OTC: variants seen among roughly 807,000 people sequenced by gnomAD.
The protein encoded by OTC is ornithine transcarbamylase, also known as ornithine transcarbamylase, mitochondrial.
A neutral mutation model predicts 30.3 loss-of-function variants in OTC; 3 were observed. The ratio of observed to expected loss-of-function variants is 0.10; its 90% confidence interval spans 0.05 to 0.26. The LOEUF (loss-of-function observed/expected upper bound fraction) is 0.26, where lower values mean the gene tolerates loss of function less well. OTC is among the 10% of genes least tolerant of loss of function. The pLI, the probability that OTC is intolerant of heterozygous loss-of-function variation, is 1.00. For missense variants in OTC, 194 were observed against 260.3 expected (o/e 0.75, Z 1.75); for synonymous variants, 111 against 99.7 (o/e 1.11, Z -0.67).
chrX:38,401,250 T>A, intron 4 of OTC, 25 bp from the exon 5 acceptor site: 1 of 1,149,774 alleles, frequency 8.7e-7, no homozygotes, highest in Non-Finnish European at 1.2e-6. Flanking sequence ...TTATCTTAGA[T>A]TATCTTTTTC....
intron 4 of OTC, among the ~76,000 whole-genome samples, chrX:38,394,294 CTTTTA>C (rs2068443782): frequency 3.6e-5 from 4 of 112,274 alleles, no homozygotes; most frequent in Admixed American, 2.8e-4. Context: ...ATTTTCTTTT[CTTTTA>C]TAACAGTTAA....
the OTC span, among the ~76,000 whole-genome samples, chrX:38,339,402 T>C: frequency 9.0e-6 from 1 of 111,192 alleles, no homozygotes; most frequent in South Asian, 3.8e-4. Context: ...AAGTGGTAGC[T>C]TTTTTTAAAT....
intron 4 of OTC, among the ~76,000 whole-genome samples, chrX:38,394,422 AG>A (rs2068444297): frequency 8.9e-6 from 1 of 112,229 alleles, no homozygotes; most frequent in South Asian, 3.7e-4. Flanking sequence ...GTTAGAAAAA[AG>A]GAGAGTCTGT....
chrX:38,355,044 G>A (rs919761567), intron 1 of OTC, among the ~76,000 whole-genome samples: 1 of 111,529 alleles, frequency 9.0e-6, no homozygotes, highest in Admixed American at 9.6e-5. Flanking sequence ...AACATACCAC[G>A]TGAGTTTACT....
chrX:38,413,274 C>T (rs761100781), intron 9 of OTC, among the ~76,000 whole-genome samples: 3 of 111,917 alleles, frequency 2.7e-5, no homozygotes, highest in Non-Finnish European at 3.8e-5. Flanking sequence ...TAGTATAGTA[C>T]ATAACACATA....
chrX:38,335,358 A>G, the OTC span, among the ~76,000 whole-genome samples: 1 of 112,252 alleles, frequency 8.9e-6, no homozygotes, highest in East Asian at 2.8e-4. Flanking sequence ...CTCTTTACTT[A>G]TTACTTATTT....
chrX:38,399,572 A>G (rs1009099876), intron 4 of OTC, among the ~76,000 whole-genome samples: 3 of 110,365 alleles, frequency 2.7e-5, no homozygotes, highest in Non-Finnish European at 3.8e-5. Context: ...AACATGACAA[A>G]ACCCTGTCTC....
At chrX:38,397,333 C>G (rs1206523611) in intron 4 of OTC, among the ~76,000 whole-genome samples, 2 of 112,107 alleles carry the variant, frequency 1.8e-5, no homozygotes, top group Non-Finnish European at 3.8e-5. Context: ...TTTCTTTCAG[C>G]AGTGCCTCTG....
chrX:38,379,745 T>C (rs1386363788), intron 3 of OTC, among the ~76,000 whole-genome samples: 6 of 110,498 alleles, frequency 5.4e-5, no homozygotes, highest in African/African-American at 2.0e-4. Context: ...TCCTCCTGCC[T>C]CAGCCTCCCG....
At chrX:38,411,810 T>C in intron 8 of OTC, 52 bp from the exon 9 acceptor site, 1 of 1,163,556 alleles carries the variant, frequency 8.6e-7, no homozygotes, top group African/African-American at 1.8e-5. Flanking sequence ...AGAAAACAAA[T>C]ATGACTGCCA....
intron 1 of OTC, among the ~76,000 whole-genome samples, chrX:38,361,600 CA>C (rs1426454688): frequency 8.9e-6 from 1 of 112,011 alleles, no homozygotes; most frequent in Non-Finnish European, 1.9e-5. Flanking sequence ...AAAGTTTATC[CA>C]AACTTAGAAA....
intron 4 of OTC, among the ~76,000 whole-genome samples, chrX:38,394,723 T>A (rs994439031): frequency 2.7e-5 from 3 of 111,607 alleles, no homozygotes; most frequent in African/African-American, 9.8e-5. Context: ...ACTCAAAACT[T>A]TATCCTCAGT....
At chrX:38,408,405 C>T (rs755886432) in intron 6 of OTC, among the ~76,000 whole-genome samples, 14 of 112,187 alleles carry the variant, frequency 1.2e-4, no homozygotes, top group Non-Finnish European at 1.9e-4. Context: ...GACAAACATG[C>T]ATTCATTTGC....
intron 5 of OTC, among the ~76,000 whole-genome samples, chrX:38,402,445 A>C (rs2068494351): frequency 8.9e-6 from 1 of 112,563 alleles, no homozygotes; most frequent in East Asian, 2.8e-4. Context: ...AGAGCATGGA[A>C]TCTAAATCAG....
chrX:38,356,452 G>T (rs1225905650), intron 1 of OTC, among the ~76,000 whole-genome samples: 1 of 111,589 alleles, frequency 9.0e-6, no homozygotes, highest in Admixed American at 9.6e-5. Flanking sequence ...GGGTGAGGGG[G>T]AGCGGAATTT....
chrX:38,346,551 CA>C, the OTC span, among the ~76,000 whole-genome samples: 1 of 112,342 alleles, frequency 8.9e-6, no homozygotes, highest in Non-Finnish European at 1.9e-5. Flanking sequence ...GGAAACAACT[CA>C]ATTGTCCTTT....
At chrX:38,383,208 T>C (rs1292110060) in intron 4 of OTC, among the ~76,000 whole-genome samples, 2 of 111,806 alleles carry the variant, frequency 1.8e-5, no homozygotes, top group African/African-American at 6.5e-5. Context: ...ATATAATTCA[T>C]TTTGACCATT....
In OTC at chrX:38,386,277, G is replaced by T. The variant is rs747935771; in HGVS notation, c.386+4848G>T. ...AATCCCAGCTACTCAGGAGGCAGAG[G>T]CAGGAGAATCGCTTGAACCCAGGAG... On this transcript the variant is annotated intron_variant, in intron 4 of 9. Coordinates refer to ENST00000039007, the MANE Select transcript of OTC (RefSeq NM_000531.6). Among the ~76,000 whole-genome samples the T allele has an allele frequency of 8.0e-4, 87 of 108,275 alleles. 1 individual carries two copies. Among genetic ancestry groups the T allele is most frequent in the Non-Finnish European group, 1.5e-3 (78 of 52,247 alleles). 94.0% of individuals were successfully genotyped at this position (108,275 alleles called of 115,157 possible).
intron 4 of OTC, among the ~76,000 whole-genome samples, chrX:38,397,748 A>G (rs192289511): frequency 0.018 from 2,035 of 111,184 alleles, 45 homozygotes; most frequent in African/African-American, 0.063. Flanking sequence ...ACAGTAGCCC[A>G]CTTTCCTCCC....
Sources: allele counts gnomAD v4.1 joint callset (sites outside exome capture counted in the v4.1 genomes callset), GRCh38; gene constraint gnomAD v4.1.1; transcripts MANE v1.5; gene names NCBI Gene and HGNC (gene_info 2026-07-23, HGNC 2026-07-21).